Variants in UBN2 observed in about 807,000 individuals in gnomAD.
The protein encoded by UBN2 is ubinuclein 2, also known as ubinuclein-2.
UBN2 carries 35 observed loss-of-function variants against 120.2 expected under a neutral mutation model. The ratio of observed to expected loss-of-function variants is 0.29; its 90% CI spans 0.22 to 0.39. The LOEUF (loss-of-function observed/expected upper bound fraction) is 0.39, where lower values mean the gene tolerates loss of function less well. Among genes scored for constraint, UBN2 ranks in the 10% least tolerant of loss-of-function variants. UBN2 has a pLI of 1.00. For missense variants in UBN2, 1,693 were observed against 1,663.2 expected, an observed-to-expected ratio of 1.02 and a Z score of -0.31; for synonymous variants, 661 against 648.7, an observed-to-expected ratio of 1.02 and a Z score of -0.29.
In UBN2 at chr7:139,283,349, T is replaced by C; in HGVS notation, c.2444T>C (p.Leu815Pro). 6.2e-7 allele frequency: 1 copy of C among 1,613,972 alleles called. No individual in the cohort carries two copies. The highest frequency in any genetic ancestry group is 8.5e-7 in the Non-Finnish European group (1 of 1,179,992). The stretch of plus-strand genomic sequence containing the variant: ...GCAAGTATCATGAGTAAGCTGCCAC[T>C]AGCTACTCCCAAAAAACTAGATTCT... Reference protein sequence around the residue: ...KLASIMSKLPLATPKKLDSTQ... With the variant: ...KLASIMSKLPPATPKKLDSTQ... Residue 815 changes from leucine to proline, a missense_variant, in exon 15 of 18, where the codon CTA (leucine) becomes CCA (proline). Transcript: ENST00000473989.
At chr7:139,254,679 T>C (rs1383886862) in intron 3 of UBN2, among the ~76,000 whole-genome samples, 5 of 152,266 alleles carry the variant, frequency 3.3e-5, no homozygotes, top group African/African-American at 9.6e-5. Context: ...AGAAGTGTTA[T>C]GTGTACATTT....
chr7:139,284,129 T>G lies in UBN2; in HGVS notation c.3224T>G (p.Leu1075Arg). Reference protein sequence around the residue: ...LSAKPSVSTKLISKSNPTPKP... With the variant: ...LSAKPSVSTKRISKSNPTPKP... ...GCTAAGCCTTCAGTATCAACTAAAC[T>G]TATTTCTAAATCCAACCCAACTCCC... is the stretch of plus-strand genomic sequence containing the variant. The change falls in exon 15 of 18, where the codon CTT becomes CGT. Residue 1075 changes from leucine (L) to arginine (R), a missense_variant. Leu to Arg is a moderately radical substitution (Grantham distance 102). Coordinates refer to ENST00000473989, the MANE Select transcript of UBN2 (RefSeq NM_173569.4). 1 of 1,614,158 alleles carries G rather than the reference T, an allele frequency of 6.2e-7. No individual in the cohort carries two copies. Among genetic ancestry groups the G allele is most frequent in the Non-Finnish European group, 8.5e-7 (1 of 1,180,026 alleles).
rs918433504 is a variant in UBN2 at position 139,231,706 on chromosome 7, G to A, written c.222G>A (p.Gln74=). Residue 74 remains glutamine (Q), a synonymous_variant, in exon 1 of 18, where the codon CAG becomes CAA. Transcript: ENST00000473989. ...CGTCGCGGGAGAAGCCGCTCCCCCA[G>A]CGCGAGGTCAGCCGCGCCGAGCCGC... ...QPPSREKPLP[Q]REVSRAEPPM... is the part of the protein sequence containing the mutation. 14 of 1,179,432 alleles carry A rather than the reference G, an allele frequency of 1.2e-5. No individual in the cohort carries two copies. The Admixed American group carries it at 6.3e-4, about 53-fold the overall frequency. 73.1% of individuals were successfully genotyped at this position (1,179,432 alleles called of 1,614,324 possible).
rs1160194312 is a variant in UBN2, at chr7:139,231,888, A to G, written c.404A>G (p.Asp135Gly). 1 of 1,583,458 alleles carries G rather than the reference A, an allele frequency of 6.3e-7. No homozygotes were observed. Among genetic ancestry groups the G allele is most frequent in the East Asian group, 2.4e-5 (1 of 41,234 alleles). The change falls in exon 1 of 18, where the codon GAC becomes GGC. Residue 135 changes from aspartate to glycine, a missense_variant. Physicochemically the swap from Asp to Gly is moderately conservative, Grantham distance 94. Transcript: ENST00000473989. ...ETVRLELVLK[D>G]PTDESCVEFS... ...GTGCGCCTGGAGCTGGTGCTTAAGG[A>G]CCCCACCGACGAGAGCTGCGTGGAG...
At chr7:139,322,589 T>C in the UBN2 span, among the ~76,000 whole-genome samples, 1 of 150,842 alleles carries the variant, frequency 6.6e-6, no homozygotes, top group African/African-American at 2.4e-5. Context: ...CATTGGAACT[T>C]TGGAGTTTTC....
the UBN2 span, among the ~76,000 whole-genome samples, chr7:139,325,598 T>C: frequency 6.6e-6 from 1 of 152,128 alleles, no homozygotes; most frequent in South Asian, 2.1e-4. Flanking sequence ...ACAACATCTA[T>C]AGCATCACAC....
intron 15 of UBN2, among the ~76,000 whole-genome samples, chr7:139,288,791 C>G (rs553281769): frequency 4.6e-5 from 7 of 152,014 alleles, no homozygotes; most frequent in African/African-American, 1.7e-4. Flanking sequence ...ATCACGAGGT[C>G]AGGAGATTGA....
At chr7:139,278,136 C>G (rs920953657) in intron 12 of UBN2, among the ~76,000 whole-genome samples, 2 of 150,460 alleles carry the variant, frequency 1.3e-5, no homozygotes, top group African/African-American at 4.9e-5. Context: ...TCCTTTAATT[C>G]TAAAGGTGTT....
intron 14 of UBN2, among the ~76,000 whole-genome samples, chr7:139,282,464 A>G (rs943406110): frequency 4.6e-5 from 7 of 152,186 alleles, no homozygotes; most frequent in African/African-American, 1.4e-4. Context: ...CAGATTCACC[A>G]TAATAAATAG....
intron 2 of UBN2, among the ~76,000 whole-genome samples, chr7:139,246,908 A>G (rs1376518659): frequency 6.6e-6 from 1 of 152,130 alleles, no homozygotes; most frequent in Non-Finnish European, 1.5e-5. Context: ...CCGAGCAGTA[A>G]TCCACTGTAT....
chr7:139,293,661 CT>C (rs1277114141), intron 16 of UBN2, 198 bp downstream of exon 16: 2 of 637,506 alleles, frequency 3.1e-6, no homozygotes, highest in African/African-American at 3.7e-5. Context: ...TTTAAGCTAT[CT>C]ATACCACATT....
chr7:139,265,020 C>A (rs1430561876), intron 6 of UBN2, among the ~76,000 whole-genome samples: 5 of 152,126 alleles, frequency 3.3e-5, no homozygotes. Flanking sequence ...ATACCAGGAA[C>A]ATTTGAATTA....
Position 139,263,268 on chromosome 7 carries a change from A to G in UBN2, c.1395+1527A>G, listed in dbSNP as rs1585004930. Among the ~76,000 whole-genome samples, 3 of 152,222 alleles carry G rather than the reference A, an allele frequency of 2.0e-5. No homozygotes were observed. In the South Asian group the frequency reaches 6.2e-4, roughly 32 times the overall value. On this transcript the variant is annotated intron_variant, in intron 6 of 17. Coordinates refer to ENST00000473989, the MANE Select transcript of UBN2 (RefSeq NM_173569.4). The stretch of plus-strand genomic sequence containing the variant: ...AATATGAAAGAAGGGTGTGTATGCT[A>G]AATTTCAACACTCTTTAATTGCCTA...
chr7:139,232,651 TTGAA>T (rs749093772), intron 1 of UBN2, among the ~76,000 whole-genome samples: 13 of 152,358 alleles, frequency 8.5e-5, no homozygotes, highest in Admixed American at 2.6e-4. Context: ...CATATTGTAA[TTGAA>T]TGGGAAGGTG....
At chr7:139,317,166 G>A in the UBN2 span, among the ~76,000 whole-genome samples, 4 of 151,426 alleles carry the variant, frequency 2.6e-5, no homozygotes, top group Non-Finnish European at 4.4e-5. Flanking sequence ...TTTGCATTGC[G>A]GTCTTTTTAT....
intron 6 of UBN2, among the ~76,000 whole-genome samples, chr7:139,263,392 A>G (rs1796995399): frequency 1.3e-5 from 2 of 152,184 alleles, no homozygotes; most frequent in African/African-American, 2.4e-5. Context: ...AAATATGGGA[A>G]CAGTATCTTG....
In UBN2 at chr7:139,297,985, A is replaced by G; in HGVS notation, c.*149A>G. The G allele has an allele frequency of 1.2e-6, 1 of 846,056 alleles. No homozygotes were observed. The highest frequency in any genetic ancestry group is 2.7e-5 in the Admixed American group (1 of 37,346). 52.4% of individuals were successfully genotyped at this position (846,056 alleles called of 1,614,324 possible). On this transcript the variant is annotated 3_prime_UTR_variant, in exon 18 of 18. Coordinates refer to ENST00000473989, the MANE Select transcript of UBN2 (RefSeq NM_173569.4). ...CTGTGGTGAGGAGGAAAAAGAAAAG[A>G]AAACATTACTTGAGCAAAGCCAGGT...
chr7:139,263,155 A>C (rs1020604111), intron 6 of UBN2, among the ~76,000 whole-genome samples: 1 of 152,180 alleles, frequency 6.6e-6, no homozygotes, highest in Non-Finnish European at 1.5e-5. Context: ...GAATTAATAA[A>C]CCTATGGATA....
At position 139,302,941 on chromosome 7, in the gene UBN2, T is replaced by C. The variant is rs561009878; in HGVS notation, c.*5105T>C. 1 of 152,184 alleles carries C rather than the reference T, an allele frequency of 6.6e-6. No homozygotes were observed. The highest frequency in any genetic ancestry group is 1.5e-5 in the Non-Finnish European group (1 of 68,032). 9.4% of individuals were successfully genotyped at this position (152,184 alleles called of 1,614,324 possible). On this transcript the variant is annotated 3_prime_UTR_variant, in exon 18 of 18. Coordinates refer to ENST00000473989, the MANE Select transcript of UBN2 (RefSeq NM_173569.4). The stretch of plus-strand genomic sequence containing the variant: ...AACAAGAGTACCTTGCAAGTCACAT[T>C]GGTAAGGTGCGCTAGACTAAACATG...
Sources: allele counts gnomAD v4.1 joint callset (sites outside exome capture counted in the v4.1 genomes callset), GRCh38; gene constraint gnomAD v4.1.1; transcripts MANE v1.5; gene names NCBI Gene and HGNC (gene_info 2026-07-23, HGNC 2026-07-21).